Variants in BCAS3 observed in about 807,000 individuals in gnomAD.
BCAS3 encodes the protein BCAS4/BCAS3 fusion.
BCAS3 carries 53 observed loss-of-function variants against 116.1 expected under a neutral mutation model. The ratio of observed to expected loss-of-function variants is 0.46; its 90% CI spans 0.37 to 0.57. The LOEUF is 0.57. Among genes scored for constraint, BCAS3 ranks in the 20% least tolerant of loss-of-function variants. The pLI is 0.00. For synonymous variants in BCAS3, 391 were observed against 408.2 expected, an observed-to-expected ratio of 0.96 and a Z score of 0.51; for missense variants, 917 against 1,165.4, an observed-to-expected ratio of 0.79 and a Z score of 3.10.
At chr17:60,951,945 T>C (rs2060863629) in intron 14 of BCAS3, among the ~76,000 whole-genome samples, 1 of 151,924 alleles carries the variant, frequency 6.6e-6, no homozygotes, top group Non-Finnish European at 1.5e-5. Context: ...CTAATTTTTG[T>C]ATTTTTAGTA....
At chr17:61,375,218 T>TTGTGTGTGTGTG (rs59961930) in intron 23 of BCAS3, among the ~76,000 whole-genome samples, 2,914 of 142,734 alleles carry the variant, frequency 0.02, 62 homozygotes, top group Admixed American at 0.043. Context: ...AAAGCACTAT[T>TTGTGTGTGTGTG]TGTGTGTGTG....
chr17:60,872,082 T>C (rs1482355280), intron 8 of BCAS3, among the ~76,000 whole-genome samples: 1 of 152,072 alleles, frequency 6.6e-6, no homozygotes. Flanking sequence ...AGCTCTTTTG[T>C]TACTATACGT....
Position 61,391,827 on chromosome 17 carries a change from T to C in BCAS3, c.2594-150T>C, listed in dbSNP as rs1368532459. ...CCTTCCTGTGACCTGAGCTGCCCCCTGCCCATCCAGGGAGCAGGCGGGGAT... is the reference window on the plus strand; with the variant it reads ...CCTTCCTGTGACCTGAGCTGCCCCCCGCCCATCCAGGGAGCAGGCGGGGAT... On this transcript the variant is annotated intron_variant, in intron 23 of 23. Transcript: ENST00000407086. This position sits in a 1 kb window ranked among gnomAD's most constrained non-coding sequence, Gnocchi z 7.7. The C allele has an allele frequency of 7.4e-6, 6 of 810,170 alleles. No homozygotes were observed. The highest frequency in any genetic ancestry group is 2.3e-5 in the Admixed American group (1 of 42,764). 50.2% of individuals were successfully genotyped at this position (810,170 alleles called of 1,614,324 possible).
At position 60,918,932 on chromosome 17, in the gene BCAS3, A is replaced by T. The variant is rs893558315; in HGVS notation, c.994-5475A>T. On this transcript the variant is annotated intron_variant, in intron 12 of 23. Transcript: ENST00000407086. The stretch of plus-strand genomic sequence containing the variant: ...ATGGTCCCGATCTCCTGACCTCGTG[A>T]TCCACCCGCCTCAGCCTCCCAAAGT... Among the ~76,000 whole-genome samples the T allele has an allele frequency of 1.2e-4, 18 of 152,202 alleles. No homozygotes were observed. In the East Asian group the frequency reaches 3.5e-3, roughly 29 times the overall value.
chr17:61,190,455 A>C (rs1218595493), intron 22 of BCAS3, among the ~76,000 whole-genome samples: 1 of 120,948 alleles, frequency 8.3e-6, no homozygotes, highest in Non-Finnish European at 1.6e-5. Flanking sequence ...TGAACCCGGG[A>C]GGCAGAGGTT....
chr17:60,921,476 A>G (rs6504007), intron 12 of BCAS3, among the ~76,000 whole-genome samples: 13,300 of 151,108 alleles, frequency 0.088, 1,965 homozygotes, highest in African/African-American at 0.3. Context: ...AGCCGGGCGT[A>G]GTGGCGGGCG....
chr17:60,824,342 T>C (rs1182990497), intron 7 of BCAS3, among the ~76,000 whole-genome samples: 1 of 152,240 alleles, frequency 6.6e-6, no homozygotes, highest in Non-Finnish European at 1.5e-5. Context: ...GATGAGACCC[T>C]TACCTTCAGC....
intron 22 of BCAS3, among the ~76,000 whole-genome samples, chr17:61,304,696 G>A (rs551302875): frequency 6.6e-6 from 1 of 151,922 alleles, no homozygotes; most frequent in South Asian, 2.1e-4. Context: ...ATAGTGAATT[G>A]AACATCCAAC....
At position 61,095,668 on chromosome 17, in the gene BCAS3, T is replaced by C. The variant is rs1024351642; in HGVS notation, c.2425+11104T>C. Among the ~76,000 whole-genome samples the C allele has an allele frequency of 6.6e-6, 1 of 152,196 alleles. No individual in the cohort carries two copies. Among genetic ancestry groups the C allele is most frequent in the African/African-American group, 2.4e-5 (1 of 41,444 alleles). On this transcript the variant is annotated intron_variant, in intron 22 of 23. Transcript: ENST00000407086. This position sits in a 1 kb window ranked among gnomAD's most constrained non-coding sequence, Gnocchi z 4.7. ...TTTTAGTAGAGACAAGGTTTCACCA[T>C]GTTGGCCAGGCTGGTCTTGAACTTC...
rs572913274 is a variant in BCAS3, at chr17:60,756,350, C to A, written c.403+9071C>A. Among the ~76,000 whole-genome samples, 28 of 152,316 alleles carry A rather than the reference C, an allele frequency of 1.8e-4. No individual in the cohort carries two copies. In the South Asian group the frequency reaches 5.6e-3, roughly 30 times the overall value. On this transcript the variant is annotated intron_variant, in intron 6 of 23. Transcript: ENST00000407086. ...GCCATGAACTGGTACCAGTCTGCGGCCCAGGAGTTGGGGACCCCTGTTCTA... is the reference window on the plus strand; with the variant it reads ...GCCATGAACTGGTACCAGTCTGCGGACCAGGAGTTGGGGACCCCTGTTCTA...
intron 22 of BCAS3, among the ~76,000 whole-genome samples, chr17:61,108,121 G>A (rs1462462373): frequency 2.0e-5 from 3 of 152,036 alleles, no homozygotes; most frequent in African/African-American, 7.2e-5. Flanking sequence ...TGCGCATCTC[G>A]GGTTGCTGTG....
intron 18 of BCAS3, among the ~76,000 whole-genome samples, chr17:61,038,766 T>C (rs887872429): frequency 8.6e-5 from 13 of 151,300 alleles, no homozygotes; most frequent in Middle Eastern, 3.2e-3. Context: ...CCTCCCGTGT[T>C]CAAGCGGTTC....
At chr17:60,839,541 G>A (rs1031533515) in intron 7 of BCAS3, among the ~76,000 whole-genome samples, 2 of 142,212 alleles carry the variant, frequency 1.4e-5, no homozygotes, top group Non-Finnish European at 3.0e-5. Flanking sequence ...GAAAAATGCA[G>A]AATAAAGTTA....
intron 22 of BCAS3, among the ~76,000 whole-genome samples, chr17:61,257,810 G>T (rs2048904758): frequency 6.6e-6 from 1 of 152,044 alleles, no homozygotes. Context: ...CAGCTCAAAG[G>T]GGTCTTGCAA....
chr17:60,860,552 AG>A (rs1407315217), intron 7 of BCAS3, among the ~76,000 whole-genome samples: 4 of 152,320 alleles, frequency 2.6e-5, no homozygotes, highest in African/African-American at 9.6e-5. Context: ...AATCTTTGCC[AG>A]GGCATGTGTC....
chr17:61,201,782 AG>A (rs1298771023), intron 22 of BCAS3, among the ~76,000 whole-genome samples: 1 of 145,626 alleles, frequency 6.9e-6, no homozygotes, highest in Non-Finnish European at 1.5e-5. Flanking sequence ...TTTTTGAGAC[AG>A]GGTCTCGCTC....
At chr17:61,044,460 A>AT (rs1259206893) in intron 19 of BCAS3, among the ~76,000 whole-genome samples, 11 of 141,926 alleles carry the variant, frequency 7.8e-5, no homozygotes, top group South Asian at 2.1e-4. Flanking sequence ...AAAAAAAAAA[A>AT]AAAAAATATA....
chr17:60,851,409 G>A (rs1299432459), intron 7 of BCAS3: 3 of 410,162 alleles, frequency 7.3e-6, no homozygotes, highest in South Asian at 3.9e-5. Flanking sequence ...CAGCTCCACC[G>A]AAGGGGCCGC....
At chr17:60,870,834 G>A (rs1345843921) in intron 8 of BCAS3, among the ~76,000 whole-genome samples, 3 of 152,142 alleles carry the variant, frequency 2.0e-5, no homozygotes, top group African/African-American at 4.8e-5. Flanking sequence ...AACAAAAAAC[G>A]ATGCCATGTG....
Sources: allele counts gnomAD v4.1 joint callset (sites outside exome capture counted in the v4.1 genomes callset), GRCh38; gene constraint gnomAD v4.1.1; non-coding constraint Gnocchi (gnomAD v3.1); transcripts MANE v1.5; gene names NCBI Gene and HGNC (gene_info 2026-07-23, HGNC 2026-07-21).